ATRNL1: variants seen among roughly 807,000 people sequenced by gnomAD.
ATRNL1 encodes the protein attractin-like protein 1.
A neutral mutation model predicts 182.7 loss-of-function variants in ATRNL1; 95 were observed. The ratio of observed to expected loss-of-function variants is 0.52; its 90% CI spans 0.44 to 0.62. ATRNL1 has a LOEUF of 0.62. Ranked by LOEUF, ATRNL1 falls within the 20% of genes least tolerant of loss-of-function variation. The pLI is 0.00. For synonymous variants in ATRNL1, 576 were observed against 568.3 expected (o/e 1.01, Z -0.19); for missense variants, 1,471 against 1,679.5 (o/e 0.88, Z 2.17).
At chr10:115,563,689 A>T (rs1007366005) in intron 26 of ATRNL1, among the ~76,000 whole-genome samples, 1 of 152,186 alleles carries the variant, frequency 6.6e-6, no homozygotes, top group Admixed American at 6.5e-5. Flanking sequence ...TTAACAATAC[A>T]TAGTTGTCTT....
intron 27 of ATRNL1, among the ~76,000 whole-genome samples, chr10:115,782,836 T>G (rs1555079602): frequency 6.6e-6 from 1 of 152,200 alleles, no homozygotes; most frequent in African/African-American, 2.4e-5. Flanking sequence ...TCTAGGAGCT[T>G]ACTCTTGGGG....
chr10:115,691,201 T>A (rs571554351), intron 26 of ATRNL1, among the ~76,000 whole-genome samples: 3 of 152,270 alleles, frequency 2.0e-5, no homozygotes, highest in African/African-American at 7.2e-5. Flanking sequence ...ACTTCCATAG[T>A]GTTTTCCATC....
intron 1 of ATRNL1, among the ~76,000 whole-genome samples, chr10:115,103,990 G>T (rs1843892220): frequency 6.6e-6 from 1 of 152,190 alleles, no homozygotes; most frequent in African/African-American, 2.4e-5. Context: ...TGTGAATAGA[G>T]CTGCAGAAAA....
intron 27 of ATRNL1, among the ~76,000 whole-genome samples, chr10:115,756,294 G>A (rs1412882598): frequency 6.6e-6 from 1 of 151,972 alleles, no homozygotes; most frequent in Non-Finnish European, 1.5e-5. Flanking sequence ...TTCTCTTGTG[G>A]GTATTTAGTG....
At chr10:115,133,377 A>G (rs1358265805) in intron 5 of ATRNL1, among the ~76,000 whole-genome samples, 2 of 152,126 alleles carry the variant, frequency 1.3e-5, no homozygotes, top group Non-Finnish European at 2.9e-5. Flanking sequence ...TGGAAAACAA[A>G]AAAAGCCTGA....
At chr10:115,525,491 A>G (rs558265182) in intron 25 of ATRNL1, among the ~76,000 whole-genome samples, 2 of 152,326 alleles carry the variant, frequency 1.3e-5, no homozygotes, top group Non-Finnish European at 2.9e-5. Context: ...AAGCCTCCTT[A>G]TAATACTGGT....
intron 21 of ATRNL1, among the ~76,000 whole-genome samples, chr10:115,430,575 G>T (rs1202957096): frequency 2.6e-5 from 4 of 151,962 alleles, no homozygotes; most frequent in Non-Finnish European, 5.9e-5. Flanking sequence ...ATGTTGTGGG[G>T]GTTTGGTATA....
chr10:115,706,216 T>G (rs1362321969), intron 26 of ATRNL1, among the ~76,000 whole-genome samples: 1 of 151,880 alleles, frequency 6.6e-6, no homozygotes, highest in Non-Finnish European at 1.5e-5. Context: ...AAAACTGCAT[T>G]TCTTGCATTC....
intron 10 of ATRNL1, among the ~76,000 whole-genome samples, chr10:115,259,605 G>A (rs112454631): frequency 0.023 from 3,487 of 152,160 alleles, 50 homozygotes; most frequent in South Asian, 0.036. Context: ...GCTTCGGCTC[G>A]CCCTCTGTGG....
At chr10:115,886,454 C>T (rs1250217803) in intron 28 of ATRNL1, among the ~76,000 whole-genome samples, 1 of 152,184 alleles carries the variant, frequency 6.6e-6, no homozygotes, top group Non-Finnish European at 1.5e-5. Context: ...GCGGAGGTTG[C>T]AGTGAGCCAA....
intron 26 of ATRNL1, among the ~76,000 whole-genome samples, chr10:115,688,831 T>C (rs1280314866): frequency 6.6e-6 from 1 of 152,140 alleles, no homozygotes; most frequent in East Asian, 1.9e-4. Flanking sequence ...CCCCCCTTTT[T>C]TATGATTGTG....
At chr10:115,135,016 G>A (rs1389946075) in intron 5 of ATRNL1, among the ~76,000 whole-genome samples, 1 of 151,888 alleles carries the variant, frequency 6.6e-6, no homozygotes, top group East Asian at 1.9e-4. Flanking sequence ...CAATAAATTC[G>A]GTATTGATGG....
intron 5 of ATRNL1, among the ~76,000 whole-genome samples, chr10:115,151,945 TC>T (rs1335649667): frequency 1.3e-5 from 2 of 152,224 alleles, no homozygotes; most frequent in Non-Finnish European, 2.9e-5. Flanking sequence ...TAGCCAGTTT[TC>T]CCAGAACCAT....
chr10:115,624,007 A>C (rs1555023886), intron 26 of ATRNL1, among the ~76,000 whole-genome samples: 2 of 152,132 alleles, frequency 1.3e-5, no homozygotes, highest in African/African-American at 4.8e-5. Flanking sequence ...CATAATGAAT[A>C]TCTAATAATG....
intron 10 of ATRNL1, among the ~76,000 whole-genome samples, chr10:115,255,019 T>C (rs1665144539): frequency 6.6e-6 from 1 of 152,226 alleles, no homozygotes; most frequent in Non-Finnish European, 1.5e-5. Flanking sequence ...ACCAGTACCA[T>C]GCTGTTTTGG....
intron 28 of ATRNL1, among the ~76,000 whole-genome samples, chr10:115,852,538 A>C (rs902010134): frequency 5.9e-5 from 9 of 152,160 alleles, no homozygotes; most frequent in Non-Finnish European, 1.2e-4. Context: ...TGATTATCCC[A>C]CTTTTACTAT....
intron 18 of ATRNL1, among the ~76,000 whole-genome samples, chr10:115,333,485 C>CTTT (rs35581763): frequency 4.3e-5 from 6 of 138,352 alleles, no homozygotes; most frequent in South Asian, 2.3e-4. Context: ...TTCAAAAGTA[C>CTTT]TTTTTTTTTT....
At chr10:115,161,489 G>A (rs1256801080) in intron 6 of ATRNL1, among the ~76,000 whole-genome samples, 3 of 151,954 alleles carry the variant, frequency 2.0e-5, no homozygotes, top group African/African-American at 7.2e-5. Context: ...TGAAAGTAGA[G>A]TCGAACTTTG....
At chr10:115,144,447 T>C (rs1845888306) in intron 5 of ATRNL1, among the ~76,000 whole-genome samples, 1 of 151,736 alleles carries the variant, frequency 6.6e-6, no homozygotes. Flanking sequence ...CGTGAGCCAC[T>C]GTGCCCGGCC....
Sources: gnomAD v4.1 joint callset for allele counts (sites outside exome capture counted in the v4.1 genomes callset) on GRCh38, gnomAD v4.1.1 for gene constraint, MANE v1.5 for transcripts, NCBI Gene and HGNC (gene_info 2026-07-23, HGNC 2026-07-21) for gene names.